Variants in RIPK4 observed in about 807,000 individuals in gnomAD.
RIPK4 encodes receptor-interacting serine/threonine-protein kinase 4.
A neutral mutation model predicts 42.9 loss-of-function variants in RIPK4; 17 were observed. That is an observed-to-expected ratio of 0.40 (90% confidence interval 0.27 to 0.59). The LOEUF (loss-of-function observed/expected upper bound fraction) is 0.59. RIPK4 is among the 20% of genes least tolerant of loss of function. The probability of loss-of-function intolerance (pLI) is 0.47; values close to 1 mark genes in which losing one functional copy is unlikely to be tolerated. For synonymous variants in RIPK4, 498 were observed against 499.1 expected (o/e 1.00, Z 0.03); for missense variants, 897 against 1,104.4 (o/e 0.81, Z 2.66).
chr21:41,763,818 G>A (rs894431903), intron 1 of RIPK4, among the ~76,000 whole-genome samples: 4 of 152,222 alleles, frequency 2.6e-5, no homozygotes, highest in Non-Finnish European at 4.4e-5. Context: ...TGGCAGGAGC[G>A]TCTCCCAGCC....
chr21:41,759,626 G>C (rs1437382358), intron 1 of RIPK4, among the ~76,000 whole-genome samples: 1 of 152,166 alleles, frequency 6.6e-6, no homozygotes, highest in East Asian at 1.9e-4. Context: ...CTGGAGCTCG[G>C]ACACAGGCCT....
intron 5 of RIPK4, chr21:41,746,123 A>T (rs1349953259): frequency 5.8e-6 from 4 of 690,478 alleles, no homozygotes; most frequent in Non-Finnish European, 1.1e-5. Flanking sequence ...AGTCACAGGG[A>T]GCAGAGCTGC....
chr21:41,746,177 G>A (rs563350090), intron 5 of RIPK4: 59 of 642,098 alleles, frequency 9.2e-5, no homozygotes, highest in Middle Eastern at 7.4e-4. Flanking sequence ...GTTTCCTGCC[G>A]TAAGCTTTAA....
chr21:41,754,115 G>A (rs571229805), intron 2 of RIPK4, among the ~76,000 whole-genome samples: 20 of 152,220 alleles, frequency 1.3e-4, no homozygotes, highest in African/African-American at 4.6e-4. Context: ...GGCAACTTAG[G>A]ATCTAATTGC....
chr21:41,764,185 A>T (rs1158056339), intron 1 of RIPK4, among the ~76,000 whole-genome samples: 1 of 152,182 alleles, frequency 6.6e-6, no homozygotes, highest in African/African-American at 2.4e-5. Context: ...CCTGCACAGA[A>T]AAGCAAGCTC....
At chr21:41,753,844 C>T (rs577469686) in intron 2 of RIPK4, among the ~76,000 whole-genome samples, 2 of 152,260 alleles carry the variant, frequency 1.3e-5, no homozygotes, top group South Asian at 4.1e-4. Flanking sequence ...TTTGGGCTAA[C>T]TGGACATATA....
intron 2 of RIPK4, among the ~76,000 whole-genome samples, chr21:41,752,808 C>A (rs80117645): frequency 1.3e-5 from 2 of 152,078 alleles, no homozygotes; most frequent in African/African-American, 2.4e-5. Context: ...GAACATCACA[C>A]GCCGGGCCCT....
At chr21:41,760,617 C>G (rs527648886) in intron 1 of RIPK4, among the ~76,000 whole-genome samples, 18 of 152,316 alleles carry the variant, frequency 1.2e-4, no homozygotes, top group African/African-American at 3.6e-4. Flanking sequence ...AGCACACACA[C>G]TCTGTTGGAA....
intron 1 of RIPK4, among the ~76,000 whole-genome samples, chr21:41,758,021 A>AAAATAT (rs1555910478): frequency 1.9e-4 from 10 of 51,368 alleles, no homozygotes; most frequent in African/African-American, 3.4e-4. Flanking sequence ...AAAAAAAAAA[A>AAAATAT]ATATATATAT....
intron 1 of RIPK4, among the ~76,000 whole-genome samples, chr21:41,757,747 T>A (rs1386640865): frequency 6.6e-6 from 1 of 151,312 alleles, no homozygotes; most frequent in East Asian, 2.0e-4. Flanking sequence ...ATGCCTGTAA[T>A]CCCAGCACTT....
intron 1 of RIPK4, among the ~76,000 whole-genome samples, chr21:41,762,107 GA>G (rs1338104091): frequency 6.6e-6 from 1 of 152,220 alleles, no homozygotes; most frequent in Non-Finnish European, 1.5e-5. Context: ...GCAACTGCCT[GA>G]AGGGAGCCCG....
intron 1 of RIPK4, among the ~76,000 whole-genome samples, chr21:41,760,139 C>G (rs533957787): frequency 1.3e-5 from 2 of 152,326 alleles, no homozygotes; most frequent in Admixed American, 1.3e-4. Flanking sequence ...CCAACGGTGC[C>G]AAGTTGAATA....
Position 41,744,114 on chromosome 21 carries a change from G to C in RIPK4, c.963C>G (p.Ala321=). ...SEVVPARLKR[A]SAPTFDNDYS... Reference sequence around the variant, plus strand: ...AGTCGTTATCGAAGGTGGGGGCAGAGGCCCGCTTGAGCCTCGCAGGCACCA... The same window carrying C: ...AGTCGTTATCGAAGGTGGGGGCAGACGCCCGCTTGAGCCTCGCAGGCACCA... Residue 321 remains alanine, a synonymous_variant, in exon 7 of 8, where the codon GCC becomes GCG. Transcript: ENST00000332512. The C allele has an allele frequency of 6.2e-7, 1 of 1,601,724 alleles. No homozygotes were observed. Among genetic ancestry groups the C allele is most frequent in the South Asian group, 1.1e-5 (1 of 90,376 alleles).
At chr21:41,757,107 G>A (rs1201271155) in intron 1 of RIPK4, among the ~76,000 whole-genome samples, 1 of 152,204 alleles carries the variant, frequency 6.6e-6, no homozygotes, top group Admixed American at 6.5e-5. Context: ...CCACGTGTGT[G>A]AATAATTCCA....
chr21:41,744,187 C>T (rs756950088), intron 6 of RIPK4, 47 bp from the exon 7 acceptor site: 20 of 1,493,844 alleles, frequency 1.3e-5, no homozygotes, highest in African/African-American at 5.5e-5. Context: ...TGCCATAGAC[C>T]GCATGGCCCG....
In RIPK4 at chr21:41,751,123, G is replaced by C. The variant is rs887124605; in HGVS notation, c.597C>G (p.Leu199=). 4 of 1,614,080 alleles carry C rather than the reference G, an allele frequency of 2.5e-6. No individual in the cohort carries two copies. Among genetic ancestry groups the C allele is most frequent in the Admixed American group, 1.7e-5 (1 of 60,014 alleles). Reference sequence around the variant, plus strand: ...TGTATACATCGTGCTTGGTGTCGAAGAGCCGGCTCTTCTCCCTGATGCGCT... The same window carrying C: ...TGTATACATCGTGCTTGGTGTCGAACAGCCGGCTCTTCTCCCTGATGCGCT... ...PPERIREKSR[L]FDTKHDVYSF... Residue 199 remains leucine, a synonymous_variant, in exon 3 of 8, where the codon CTC becomes CTG. Transcript: ENST00000332512. The surrounding 1 kb of genome is among the most constrained non-coding windows in gnomAD (Gnocchi z 4.5).
Position 41,741,867 on chromosome 21 carries a change from C to A in RIPK4, c.1326G>T (p.Leu442=), listed in dbSNP as rs1158528759. ...CTTGCCCGGCCTCCACCGCCAGGTG[C>A]AGCAGGCTGGCACCGCTGTCCAGTG... ...DLALDSGASL[L]HLAVEAGQEE... The change falls in exon 8 of 8, where the codon CTG becomes CTT. Residue 442 remains leucine, a synonymous_variant. Coordinates refer to ENST00000332512, the MANE Select transcript of RIPK4 (RefSeq NM_020639.3). 2 of 1,613,388 alleles carry A rather than the reference C, an allele frequency of 1.2e-6. No individual in the cohort carries two copies. The highest frequency in any genetic ancestry group is 3.3e-5 in the Admixed American group (2 of 60,024).
intron 3 of RIPK4, among the ~76,000 whole-genome samples, chr21:41,749,783 A>T (rs1175740284): frequency 6.6e-6 from 1 of 151,998 alleles, no homozygotes; most frequent in Non-Finnish European, 1.5e-5. Context: ...ACACAGCTGA[A>T]CGCCCCAAAG....
rs778043601 is a variant in RIPK4, at chr21:41,741,464, C to T, written c.1729G>A (p.Ala577Thr). The change falls in exon 8 of 8, where the codon GCT becomes ACT. Residue 577 changes from alanine (A) to threonine (T), a missense_variant. By Grantham distance (58) the Ala-to-Thr change is moderately conservative (BLOSUM62 0). Coordinates refer to ENST00000332512, the MANE Select transcript of RIPK4 (RefSeq NM_020639.3). ...ATGGGCAGGTGGCCCTGCCAGGCAGCGTAGTGCAGTGGCAGCCAGGCATCC... is the reference window on the plus strand; with the variant it reads ...ATGGGCAGGTGGCCCTGCCAGGCAGTGTAGTGCAGTGGCAGCCAGGCATCC... ...GKDAWLPLHY[A>T]AWQGHLPIVK... The T allele has an allele frequency of 6.2e-6, 10 of 1,612,714 alleles. No individual in the cohort carries two copies. The highest frequency in any genetic ancestry group is 2.2e-5 in the South Asian group (2 of 91,086).
Sources: allele counts gnomAD v4.1 joint callset (sites outside exome capture counted in the v4.1 genomes callset), GRCh38; gene constraint gnomAD v4.1.1; non-coding constraint Gnocchi (gnomAD v3.1); transcripts MANE v1.5; gene names NCBI Gene and HGNC (gene_info 2026-07-23, HGNC 2026-07-21).